Variants in CRYBG1 observed in about 807,000 individuals in gnomAD.
CRYBG1 encodes the protein beta/gamma crystallin domain-containing protein 1.
A neutral mutation model predicts 189.2 loss-of-function variants in CRYBG1; 139 were observed. That is an observed-to-expected ratio of 0.73 (90% CI 0.64 to 0.85). The LOEUF is 0.85. Ranked by LOEUF, CRYBG1 falls within the 40% of genes least tolerant of loss-of-function variation. CRYBG1 has a pLI of 0.00. For missense variants in CRYBG1, 2,611 were observed against 2,675.8 expected, an observed-to-expected ratio of 0.98 and a Z score of 0.53; for synonymous variants, 1,023 against 1,017.1, an observed-to-expected ratio of 1.01 and a Z score of -0.11.
At chr6:106,553,098 T>C (rs1774446364) in intron 15 of CRYBG1, among the ~76,000 whole-genome samples, 1 of 152,236 alleles carries the variant, frequency 6.6e-6, no homozygotes, top group Admixed American at 6.5e-5. Context: ...AACTACACTA[T>C]GTCTTTCCAA....
chr6:106,371,526 T>A (rs1261155884), intron 1 of CRYBG1, among the ~76,000 whole-genome samples: 2 of 152,174 alleles, frequency 1.3e-5, no homozygotes, highest in Non-Finnish European at 2.9e-5. Flanking sequence ...AACAAGAAAA[T>A]GTAGTTACTG....
intron 2 of CRYBG1, among the ~76,000 whole-genome samples, chr6:106,501,466 T>G (rs1773009157): frequency 6.6e-6 from 1 of 152,004 alleles, no homozygotes; most frequent in Non-Finnish European, 1.5e-5. Flanking sequence ...GCTGTTATTT[T>G]CATCTCCTTC....
chr6:106,461,766 G>C (rs968982272), intron 2 of CRYBG1, among the ~76,000 whole-genome samples: 2 of 152,128 alleles, frequency 1.3e-5, no homozygotes, highest in African/African-American at 4.8e-5. Context: ...AAATAGGAAG[G>C]CTGATCCGAT....
intron 2 of CRYBG1, among the ~76,000 whole-genome samples, chr6:106,500,392 T>C (rs1002539254): frequency 6.6e-6 from 1 of 151,548 alleles, no homozygotes; most frequent in African/African-American, 2.4e-5. Context: ...TTCATTTTCA[T>C]TTCCCTGATG....
chr6:106,506,345 A>G lies in CRYBG1; in HGVS notation c.313-5085A>G, dbSNP rs991093163. Among the ~76,000 whole-genome samples, 2 of 151,848 alleles carry G rather than the reference A, an allele frequency of 1.3e-5. 1 individual carries two copies. On this transcript the variant is annotated intron_variant, in intron 2 of 21. Transcript: ENST00000633556. Reference sequence around the variant, plus strand: ...TTTTTCCTGTTCTCAAGGAGCTTACATTCACTGGGGAATGAAAAGGTGGGA... The same window carrying G: ...TTTTTCCTGTTCTCAAGGAGCTTACGTTCACTGGGGAATGAAAAGGTGGGA...
intron 1 of CRYBG1, among the ~76,000 whole-genome samples, chr6:106,397,372 C>T (rs1055107875): frequency 6.6e-6 from 1 of 152,144 alleles, no homozygotes; most frequent in Non-Finnish European, 1.5e-5. Flanking sequence ...AGAACTTATT[C>T]ATCCTGCATA....
At chr6:106,459,550 T>A (rs1450323797) in intron 2 of CRYBG1, among the ~76,000 whole-genome samples, 1 of 151,442 alleles carries the variant, frequency 6.6e-6, no homozygotes, top group Non-Finnish European at 1.5e-5. Context: ...TGTGGGTTTT[T>A]TTTTTTTTTT....
At chr6:106,530,353 T>C in intron 8 of CRYBG1, 38 bp downstream of exon 8, 2 of 1,586,774 alleles carry the variant, frequency 1.3e-6, no homozygotes, top group Non-Finnish European at 1.7e-6. Flanking sequence ...TAATGAAGTT[T>C]TTTTGTGAGT....
At chr6:106,518,975 G>GCGCGCACA (rs1554188403) in intron 3 of CRYBG1, among the ~76,000 whole-genome samples, 156 bp from the exon 4 acceptor site, 4 of 134,288 alleles carry the variant, frequency 3.0e-5, no homozygotes, top group Non-Finnish European at 6.6e-5. Context: ...ACATGTGTGC[G>GCGCGCACA]CACACACACA....
At chr6:106,457,681 G>A (rs148183774) in intron 2 of CRYBG1, among the ~76,000 whole-genome samples, 8 of 152,244 alleles carry the variant, frequency 5.3e-5, no homozygotes, top group African/African-American at 1.9e-4. Flanking sequence ...CCAAATTTCT[G>A]CTTTCATCAG....
At position 106,543,583 on chromosome 6, in the gene CRYBG1, A is replaced by C; in HGVS notation, c.5025A>C (p.Lys1675Asn). Residue 1675 changes from lysine to asparagine, a missense_variant, in exon 11 of 22, where the codon AAA becomes AAC. Coordinates refer to ENST00000633556, the MANE Select transcript of CRYBG1 (RefSeq NM_001371242.2). Reference sequence around the variant, plus strand: ...CGTTTACGTCAGTGGGGTCTATGAAAGTTCTAAGAGGCATGTAAGTACATG... The same window carrying C: ...CGTTTACGTCAGTGGGGTCTATGAACGTTCTAAGAGGCATGTAAGTACATG... Reference protein sequence around the residue: ...HLPFTSVGSMKVLRGIWVAYE... With the variant: ...HLPFTSVGSMNVLRGIWVAYE... The C allele has an allele frequency of 1.9e-6, 3 of 1,613,786 alleles. No individual in the cohort carries two copies. Among genetic ancestry groups the C allele is most frequent in the Non-Finnish European group, 2.5e-6 (3 of 1,179,818 alleles).
intron 2 of CRYBG1, among the ~76,000 whole-genome samples, chr6:106,506,502 G>A (rs1333726243): frequency 1.4e-5 from 2 of 139,932 alleles, no homozygotes; most frequent in Non-Finnish European, 1.5e-5. Context: ...AGCCAGGCTG[G>A]AGTACAATGA....
intron 2 of CRYBG1, among the ~76,000 whole-genome samples, chr6:106,497,426 T>G (rs751164102): frequency 1.3e-5 from 2 of 152,206 alleles, no homozygotes; most frequent in Admixed American, 6.5e-5. Context: ...TCATACTCCT[T>G]GGTCTCCATG....
chr6:106,561,573 A>G (rs547694843), intron 20 of CRYBG1, 73 bp downstream of exon 20: 2 of 1,506,484 alleles, frequency 1.3e-6, no homozygotes, highest in Admixed American at 2.2e-5. Context: ...TATGCTTTTG[A>G]TCTTTTCTTC....
In CRYBG1 at chr6:106,483,402, A is replaced by ATATATATAT. The variant is rs1361096436; in HGVS notation, c.313-28028_313-28027insTATATATAT. Among the ~76,000 whole-genome samples, 5 of 88,398 alleles carry ATATATATAT rather than the reference A, an allele frequency of 5.7e-5. No homozygotes were observed. In the Admixed American group the frequency reaches 6.3e-4, roughly 11 times the overall value. 58.0% of individuals were successfully genotyped at this position (88,398 alleles called of 152,430 possible). ...TGTATATATATATAGATATATATAT[A>ATATATATAT]AAACATTTTCTTTATCTACTTATTT... On this transcript the variant is annotated intron_variant, in intron 2 of 21. Transcript: ENST00000633556.
At chr6:106,429,394 CAT>C (rs35009911) in intron 1 of CRYBG1, among the ~76,000 whole-genome samples, 57,807 of 150,988 alleles carry the variant, frequency 0.38, 11,764 homozygotes, top group East Asian at 0.68. Context: ...CTCCCACATC[CAT>C]ATATATATAT....
intron 2 of CRYBG1, among the ~76,000 whole-genome samples, chr6:106,491,431 A>G (rs1009299005): frequency 1.3e-5 from 2 of 152,216 alleles, no homozygotes; most frequent in Non-Finnish European, 2.9e-5. Context: ...GAGATAGAGC[A>G]TAGAGGCATA....
Position 106,560,795 on chromosome 6 carries a change from GT to G in CRYBG1, c.5856-4del. ...ATTGCCACTTACTGTGGTTATTTTTGTTTTCAGATGGGTTACTTATGAATAT... is the reference window on the plus strand; with the variant it reads ...ATTGCCACTTACTGTGGTTATTTTTGTTTCAGATGGGTTACTTATGAATAT... On this transcript the variant is annotated splice_polypyrimidine_tract_variant and splice_region_variant and intron_variant, in intron 18 of 21. Coordinates refer to ENST00000633556, the MANE Select transcript of CRYBG1 (RefSeq NM_001371242.2). The G allele has an allele frequency of 6.3e-7, 1 of 1,597,622 alleles. No homozygotes were observed. Among genetic ancestry groups the G allele is most frequent in the Non-Finnish European group, 8.5e-7 (1 of 1,174,060 alleles).
At chr6:106,363,396 C>T (rs558847435) in intron 1 of CRYBG1, among the ~76,000 whole-genome samples, 1 of 152,114 alleles carries the variant, frequency 6.6e-6, no homozygotes, top group African/African-American at 2.4e-5. Flanking sequence ...ACTAAACGTA[C>T]TAGTCTGTCT....
Sources: allele counts gnomAD v4.1 joint callset (sites outside exome capture counted in the v4.1 genomes callset), GRCh38; gene constraint gnomAD v4.1.1; transcripts MANE v1.5; gene names NCBI Gene and HGNC (gene_info 2026-07-23, HGNC 2026-07-21).